Variants in RING1 observed in about 807,000 individuals in gnomAD.
RING1 encodes E3 ubiquitin-protein ligase RING1.
In RING1, 8 loss-of-function variants were observed where a neutral mutation model predicts 35.0. That is an observed-to-expected ratio of 0.23 (90% confidence interval 0.13 to 0.41). The LOEUF (loss-of-function observed/expected upper bound fraction) is 0.41, where lower values mean the gene tolerates loss of function less well. RING1 is among the 10% of genes least tolerant of loss of function. The pLI is 1.00. For missense variants in RING1, 343 were observed against 546.8 expected, an observed-to-expected ratio of 0.63 and a Z score of 3.72; for synonymous variants, 214 against 224.3, an observed-to-expected ratio of 0.95 and a Z score of 0.41.
chr6:33,210,852 T>G (rs1775473679), intron 4 of RING1, among the ~76,000 whole-genome samples: 1 of 152,116 alleles, frequency 6.6e-6, no homozygotes, highest in South Asian at 2.1e-4. Flanking sequence ...TCACAGGGGA[T>G]GTGTATGCTG....
chr6:33,211,685 T>C lies in RING1; in HGVS notation c.846-44T>C, dbSNP rs1284318210. 1 of 1,533,456 alleles carries C rather than the reference T, an allele frequency of 6.5e-7. No individual in the cohort carries two copies. The highest frequency in any genetic ancestry group is 8.8e-7 in the Non-Finnish European group (1 of 1,142,158). The allele number at this position is 1,533,456 out of a possible 1,614,324, so 95.0% of individuals were successfully genotyped here. On this transcript the variant is annotated intron_variant, in intron 5 of 6. Transcript: ENST00000374656. This position sits in a 1 kb window ranked among gnomAD's most constrained non-coding sequence, Gnocchi z 6.3. ...GGAAAGCCCCTACCTCCAGTCCTCA[T>C]CTGAGGCGCTCTGGCTCTAAGCCTG... is the stretch of plus-strand genomic sequence containing the variant.
At position 33,211,414 on chromosome 6, in the gene RING1, A is replaced by G; in HGVS notation, c.712A>G (p.Thr238Ala). 1 of 1,557,406 alleles carries G rather than the reference A, an allele frequency of 6.4e-7. No individual in the cohort carries two copies. The highest frequency in any genetic ancestry group is 1.2e-5 in the South Asian group (1 of 86,326). Residue 238 changes from threonine (T) to alanine (A), a missense_variant, in exon 5 of 7, where the codon ACT (threonine) becomes GCT (alanine). By Grantham distance (58) the Thr-to-Ala change is moderately conservative. Coordinates refer to ENST00000374656, the MANE Select transcript of RING1 (RefSeq NM_002931.4). This position sits in a 1 kb window ranked among gnomAD's most constrained non-coding sequence, Gnocchi z 6.3. ...GSEDSGDRGG[T>A]LGGGTLGPPS... ...GGAAGACTCTGGTGACCGGGGAGGG[A>G]CTCTGGGAGGGGGAACGCTGGGCCC... is the stretch of plus-strand genomic sequence containing the variant.
intron 6 of RING1, 122 bp downstream of exon 6, chr6:33,212,124 T>C: frequency 1.1e-6 from 1 of 895,096 alleles, no homozygotes; most frequent in Non-Finnish European, 1.7e-6. Flanking sequence ...TCTATCTCTT[T>C]CTATGTCCCC....
rs371453957 is a variant in RING1, at chr6:33,211,272, C to T, written c.570C>T (p.Ser190=). The T allele has an allele frequency of 3.2e-5, 51 of 1,612,756 alleles. No individual in the cohort carries two copies. In the African/African-American group the frequency reaches 3.6e-4, roughly 11 times the overall value. ...EGDGEDVSSD[S]APDSAPGPAP... is the part of the protein sequence containing the mutation. The stretch of plus-strand genomic sequence containing the variant: ...ATGGAGAAGATGTGAGCTCAGACTC[C>T]GCCCCTGACTCTGCCCCAGGCCCTG... The change falls in exon 5 of 7, where the codon TCC becomes TCT. Residue 190 remains serine (S), a synonymous_variant. Transcript: ENST00000374656. This position sits in a 1 kb window ranked among gnomAD's most constrained non-coding sequence, Gnocchi z 6.3.
rs1775569606 is a variant in RING1 at position 33,211,930 on chromosome 6, T to C, written c.1047T>C (p.Ala349=). 6.3e-7 allele frequency: 1 copy of C among 1,596,896 alleles called. No homozygotes were observed. Among genetic ancestry groups the C allele is most frequent in the African/African-American group, 1.3e-5 (1 of 74,524 alleles). ...GAGGTGACGGTCCTGAGGAGCCTGCTTTGCCCAGCCTGGAGGGCGTCAGTG... is the reference window on the plus strand; with the variant it reads ...GAGGTGACGGTCCTGAGGAGCCTGCCTTGCCCAGCCTGGAGGGCGTCAGTG... ...AGGGDGPEEP[A]LPSLEGVSEK... is the part of the protein sequence containing the mutation. The change falls in exon 6 of 7, where the codon GCT becomes GCC. Residue 349 remains alanine, a synonymous_variant. Transcript: ENST00000374656. This position sits in a 1 kb window ranked among gnomAD's most constrained non-coding sequence, Gnocchi z 6.3.
intron 4 of RING1, 57 bp downstream of exon 4, chr6:33,210,187 G>GT: frequency 2.0e-6 from 3 of 1,498,496 alleles, no homozygotes; most frequent in Non-Finnish European, 2.8e-6. Flanking sequence ...GTCAGTCCTT[G>GT]TTGCCTGCTA....
chr6:33,208,850 G>A lies in RING1; in HGVS notation c.28G>A (p.Ala10Thr). The change falls in exon 2 of 7, where the codon GCC becomes ACC. Residue 10 changes from alanine to threonine, a missense_variant. Ala to Thr is a moderately conservative substitution (Grantham distance 58). Coordinates refer to ENST00000374656, the MANE Select transcript of RING1 (RefSeq NM_002931.4). The surrounding 1 kb of genome is among the most constrained non-coding windows in gnomAD (Gnocchi z 6.2). ...GACGACGCCGGCGAATGCCCAGAAT[G>A]CCAGCAAAACGTGGGAACTGAGTCT... MTTPANAQN[A>T]SKTWELSLYE... 6.2e-7 allele frequency: 1 copy of A among 1,609,062 alleles called. No homozygotes were observed. Among genetic ancestry groups the A allele is most frequent in the African/African-American group, 1.3e-5 (1 of 74,908 alleles).
In RING1 at chr6:33,211,478, G is replaced by T. The variant is rs1209791814; in HGVS notation, c.776G>T (p.Gly259Val). ...PPGAPSPPEP[G>V]GEIELVFRPH... ...GGGGCCCCCAGCCCCCCAGAGCCAG[G>T]TGGAGAAATTGAGCTCGTGTTCCGG... Residue 259 changes from glycine (G) to valine (V), a missense_variant, in exon 5 of 7, where the codon GGT (glycine) becomes GTT (valine). Gly to Val is a moderately radical substitution (Grantham distance 109). Around this residue, in one of 2 missense-constraint regions of RING1, gnomAD observed 278 missense variants for 383.5 expected, o/e 0.72. Coordinates refer to ENST00000374656, the MANE Select transcript of RING1 (RefSeq NM_002931.4). This position sits in a 1 kb window ranked among gnomAD's most constrained non-coding sequence, Gnocchi z 6.3. 2.5e-6 allele frequency: 4 copies of T among 1,610,760 alleles called. No individual in the cohort carries two copies. The highest frequency in any genetic ancestry group is 1.7e-5 in the Admixed American group (1 of 59,698).
Position 33,209,780 on chromosome 6 carries a change from G to A in RING1, c.233G>A (p.Arg78Gln), listed in dbSNP as rs1562450942. Residue 78 changes from arginine (R) to glutamine (Q), a missense_variant, in exon 3 of 7, where the codon CGG becomes CAG. Transcript: ENST00000374656. The surrounding 1 kb of genome is among the most constrained non-coding windows in gnomAD (Gnocchi z 5.1). ...FCSDCIVTALRSGNKECPTCR... is the reference protein window; with the variant it reads ...FCSDCIVTALQSGNKECPTCR... ...TCTGACTGCATTGTCACAGCCCTAC[G>A]GAGCGGGTAATAGGAGAGACATGTT... 1 of 1,613,930 alleles carries A rather than the reference G, an allele frequency of 6.2e-7. No homozygotes were observed.
Position 33,211,463 on chromosome 6 carries a change from G to GC in RING1, c.767dup (p.Glu257ArgfsTer7). On this transcript the variant is annotated frameshift_variant, in exon 5 of 7. Transcript: ENST00000374656. LOFTEE classifies it high-confidence loss of function. This position sits in a 1 kb window ranked among gnomAD's most constrained non-coding sequence, Gnocchi z 6.3. ...CCCCCAAGCCCTCCTGGGGCCCCCA[G>GC]CCCCCCAGAGCCAGGTGGAGAAATT... 6.2e-7 allele frequency: 1 copy of GC among 1,602,322 alleles called. No individual in the cohort carries two copies. The highest frequency in any genetic ancestry group is 8.5e-7 in the Non-Finnish European group (1 of 1,174,596).
At chr6:33,212,094 C>T in intron 6 of RING1, 92 bp downstream of exon 6, 1 of 1,022,358 alleles carries the variant, frequency 9.8e-7, no homozygotes, top group Non-Finnish European at 1.4e-6. Flanking sequence ...AACTCATCAG[C>T]ACTCTTCCCC....
In RING1 at chr6:33,210,077, G is replaced by C; in HGVS notation, c.402G>C (p.Gln134His). 6.2e-7 allele frequency: 1 copy of C among 1,614,206 alleles called. No individual in the cohort carries two copies. The highest frequency in any genetic ancestry group is 8.5e-7 in the Non-Finnish European group (1 of 1,180,038). The change falls in exon 4 of 7, where the codon CAG becomes CAC. Residue 134 changes from glutamine (Q) to histidine (H), a missense_variant. Coordinates refer to ENST00000374656, the MANE Select transcript of RING1 (RefSeq NM_002931.4). The stretch of plus-strand genomic sequence containing the variant: ...TCCGCCTGAGCCGCCTGCACAACCA[G>C]CAGGCATTGAGCTCCAGCATTGAGG... ...VLIRLSRLHN[Q>H]QALSSSIEEG...
rs1363816153 is a variant in RING1 at position 33,211,017 on chromosome 6, T to A, written c.456-141T>A. On this transcript the variant is annotated intron_variant, in intron 4 of 6. Coordinates refer to ENST00000374656, the MANE Select transcript of RING1 (RefSeq NM_002931.4). The surrounding 1 kb of genome is among the most constrained non-coding windows in gnomAD (Gnocchi z 6.3). Reference sequence around the variant, plus strand: ...AAGGGGATTGGTGCAAAACACTTAGTATACTGAGTGCTTAGCACATTGTGT... The same window carrying A: ...AAGGGGATTGGTGCAAAACACTTAGAATACTGAGTGCTTAGCACATTGTGT... 1 of 905,992 alleles carries A rather than the reference T, an allele frequency of 1.1e-6. No individual in the cohort carries two copies. Among genetic ancestry groups the A allele is most frequent in the East Asian group, 2.5e-5 (1 of 40,108 alleles). The allele number at this position is 905,992 out of a possible 1,614,324, so 56.1% of individuals were successfully genotyped here.
chr6:33,212,175 T>C, intron 6 of RING1, 123 bp from the exon 7 acceptor site: 1 of 899,362 alleles, frequency 1.1e-6, no homozygotes, highest in Middle Eastern at 2.2e-4. Flanking sequence ...GCCTTATCGC[T>C]TTTATTATTC....
rs772374587 is a variant in RING1 at position 33,209,715 on chromosome 6, G to A, written c.168G>A (p.Lys56=). 2.5e-6 allele frequency: 4 copies of A among 1,613,278 alleles called. No individual in the cohort carries two copies. The Admixed American group carries it at 6.7e-5, about 27-fold the overall frequency. ...GCCCTATCTGCCTGGACATGCTGAA[G>A]AATACGATGACCACCAAGGAGTGCC... ...LMCPICLDML[K]NTMTTKECLH... The change falls in exon 3 of 7, where the codon AAG becomes AAA. Residue 56 remains lysine, a synonymous_variant. Transcript: ENST00000374656. This position sits in a 1 kb window ranked among gnomAD's most constrained non-coding sequence, Gnocchi z 5.1.
In RING1 at chr6:33,209,528, C is replaced by T; in HGVS notation, c.79-98C>T. On this transcript the variant is annotated intron_variant, in intron 2 of 6. Transcript: ENST00000374656. The surrounding 1 kb of genome is among the most constrained non-coding windows in gnomAD (Gnocchi z 5.1). ...TCCTATAGAGACCAACATGGGTCTT[C>T]TCACTGTATTTCTCAAAATTCTTAT... is the stretch of plus-strand genomic sequence containing the variant. 8.2e-7 allele frequency: 1 copy of T among 1,222,334 alleles called. No homozygotes were observed. The highest frequency in any genetic ancestry group is 1.2e-6 in the Non-Finnish European group (1 of 862,284). The allele number at this position is 1,222,334 out of a possible 1,614,324, so 75.7% of individuals were successfully genotyped here.
intron 6 of RING1, 124 bp downstream of exon 6, chr6:33,212,126 T>A (rs1036006589): frequency 5.6e-6 from 5 of 890,132 alleles, no homozygotes; most frequent in Non-Finnish European, 8.7e-6. Flanking sequence ...TATCTCTTTC[T>A]ATGTCCCCTC....
Position 33,212,648 on chromosome 6 carries a change from G to A in RING1, c.*249G>A. On this transcript the variant is annotated 3_prime_UTR_variant, in exon 7 of 7. Transcript: ENST00000374656. ...AACGTCCCATCTATACGAGGTGTTG[G>A]AGAAGGTGAAGAACCCTCCCATTCA... 2 of 406,102 alleles carry A rather than the reference G, an allele frequency of 4.9e-6. No individual in the cohort carries two copies. Among genetic ancestry groups the A allele is most frequent in the South Asian group, 1.6e-4 (2 of 12,362 alleles). The allele number at this position is 406,102 out of a possible 1,614,324, so 25.2% of individuals were successfully genotyped here.
In RING1 at chr6:33,211,405, C is replaced by T. The variant is rs1345933298; in HGVS notation, c.703C>T (p.Arg235Trp). 6 of 1,254,452 alleles carry T rather than the reference C, an allele frequency of 4.8e-6. No homozygotes were observed. Among genetic ancestry groups the T allele is most frequent in the South Asian group, 2.5e-5 (2 of 80,640 alleles). The allele number at this position is 1,254,452 out of a possible 1,614,324, so 77.7% of individuals were successfully genotyped here. A position where few individuals can be genotyped will look rare whatever the true frequency, so the allele number is the denominator to read the frequency against. The change falls in exon 5 of 7, where the codon CGG becomes TGG. Residue 235 changes from arginine to tryptophan, a missense_variant. By Grantham distance (101) the Arg-to-Trp change is moderately radical (BLOSUM62 -3). Transcript: ENST00000374656. The surrounding 1 kb of genome is among the most constrained non-coding windows in gnomAD (Gnocchi z 6.3). Reference sequence around the variant, plus strand: ...TGCCGGTTCGGAAGACTCTGGTGACCGGGGAGGGACTCTGGGAGGGGGAAC... The same window carrying T: ...TGCCGGTTCGGAAGACTCTGGTGACTGGGGAGGGACTCTGGGAGGGGGAAC... ...GGAGSEDSGD[R>W]GGTLGGGTLG...
Sources: allele counts gnomAD v4.1 joint callset (sites outside exome capture counted in the v4.1 genomes callset), GRCh38; gene constraint gnomAD v4.1.1; regional missense constraint gnomAD v4.1.1; non-coding constraint Gnocchi (gnomAD v3.1); transcripts MANE v1.5; gene names NCBI Gene and HGNC (gene_info 2026-07-23, HGNC 2026-07-21).